HS6ST1: variants seen among roughly 807,000 people sequenced by gnomAD.
The protein encoded by HS6ST1 is heparan-sulfate 6-O-sulfotransferase 1.
HS6ST1 carries 3 observed loss-of-function variants against 25.2 expected under a neutral mutation model. The ratio of observed to expected loss-of-function variants is 0.12; its 90% confidence interval spans 0.05 to 0.31. The LOEUF (loss-of-function observed/expected upper bound fraction) is 0.31, where lower values mean the gene tolerates loss of function less well. Among genes scored for constraint, HS6ST1 ranks in the 10% least tolerant of loss-of-function variants. The pLI is 1.00. For missense variants in HS6ST1, 310 were observed against 609.6 expected (o/e 0.51, Z 5.18); for synonymous variants, 204 against 275.1 (o/e 0.74, Z 2.56).
At chr2:128,272,832 C>T (rs1429196980) in intron 1 of HS6ST1, among the ~76,000 whole-genome samples, 2 of 152,142 alleles carry the variant, frequency 1.3e-5, no homozygotes, top group Non-Finnish European at 2.9e-5. Flanking sequence ...CATCTAAGTC[C>T]GGGGCCCTCA....
chr2:128,317,369 T>C (rs1468247834), intron 1 of HS6ST1, among the ~76,000 whole-genome samples: 2 of 152,194 alleles, frequency 1.3e-5, no homozygotes, highest in African/African-American at 2.4e-5. Context: ...CGGGTGGCTT[T>C]TGTTCCTCTC....
chr2:128,286,415 G>A (rs574417577), intron 1 of HS6ST1, among the ~76,000 whole-genome samples: 1 of 152,198 alleles, frequency 6.6e-6, no homozygotes, highest in African/African-American at 2.4e-5. Context: ...CAGGTCAGGA[G>A]CTTGGAGGAC....
At chr2:128,276,244 CA>C (rs1490172466) in intron 1 of HS6ST1, among the ~76,000 whole-genome samples, 2 of 152,234 alleles carry the variant, frequency 1.3e-5, no homozygotes, top group Non-Finnish European at 2.9e-5. Context: ...TCTCCCGCCT[CA>C]GCCTCCCGAG....
At chr2:128,287,407 T>C (rs1389407214) in intron 1 of HS6ST1, among the ~76,000 whole-genome samples, 4 of 152,190 alleles carry the variant, frequency 2.6e-5, no homozygotes, top group Non-Finnish European at 5.9e-5. Context: ...GCAGGTCCCC[T>C]GACGGGCTGC....
intron 1 of HS6ST1, among the ~76,000 whole-genome samples, chr2:128,305,058 AG>A (rs2104933243): frequency 6.6e-6 from 1 of 152,330 alleles, no homozygotes; most frequent in East Asian, 1.9e-4. Flanking sequence ...GGGCCTCCTA[AG>A]CTCTCCATTC....
Position 128,267,471 on chromosome 2 carries a change from T to C in HS6ST1, c.*691A>G, listed in dbSNP as rs1256247111. 2 of 153,608 alleles carry C rather than the reference T, an allele frequency of 1.3e-5. No individual in the cohort carries two copies. Among genetic ancestry groups the C allele is most frequent in the Admixed American group, 1.3e-4 (2 of 15,450 alleles). The allele number at this position is 153,608 out of a possible 1,614,324, so 9.5% of individuals were successfully genotyped here. A position where few individuals can be genotyped will look rare whatever the true frequency, so the allele number is the denominator to read the frequency against. On this transcript the variant is annotated 3_prime_UTR_variant, in exon 2 of 2. Transcript: ENST00000259241. ...AAACCCCTCCTTGGTCTGAGGACTG[T>C]AGGGAGTGGGTGGGGCCTGAACATC...
chr2:128,277,882 G>T (rs1041002034), intron 1 of HS6ST1, among the ~76,000 whole-genome samples: 1 of 152,246 alleles, frequency 6.6e-6, no homozygotes, highest in African/African-American at 2.4e-5. Context: ...ATGCACTTCG[G>T]CATTTAATTA....
chr2:128,286,016 C>T (rs890661261), intron 1 of HS6ST1, among the ~76,000 whole-genome samples: 1 of 152,220 alleles, frequency 6.6e-6, no homozygotes, highest in Non-Finnish European at 1.5e-5. Flanking sequence ...GTCACCCTGG[C>T]CCCTCTGAGC....
rs890261986 is a variant in HS6ST1, at chr2:128,275,199, C to G, written c.528-6329G>C. 1.9e-4 allele frequency among the ~76,000 whole-genome samples: 29 copies of G among 152,148 alleles called. 1 individual carries two copies. The highest frequency in any genetic ancestry group is 5.9e-5 in the Non-Finnish European group (4 of 68,030). On this transcript the variant is annotated intron_variant, in intron 1 of 1. Transcript: ENST00000259241. ...ATAGAAAAGAAAATGAAGTACACTA[C>G]TTGCCTCAGCGGTAAATGATGGTTT...
At chr2:128,314,958 C>G (rs1694340696) in intron 1 of HS6ST1, among the ~76,000 whole-genome samples, 1 of 152,222 alleles carries the variant, frequency 6.6e-6, no homozygotes, top group Non-Finnish European at 1.5e-5. Context: ...GGTTCTGGCT[C>G]TGGAGCACCA....
chr2:128,271,988 A>G (rs887746776), intron 1 of HS6ST1, among the ~76,000 whole-genome samples: 2 of 152,220 alleles, frequency 1.3e-5, no homozygotes, highest in African/African-American at 4.8e-5. Context: ...CACCAACCCC[A>G]TACCCAGGTC....
chr2:128,312,852 G>A (rs994719329), intron 1 of HS6ST1, among the ~76,000 whole-genome samples: 4 of 152,192 alleles, frequency 2.6e-5, no homozygotes, highest in African/African-American at 9.7e-5. Context: ...CTGAGGTCCC[G>A]AGTTCGAGAC....
At chr2:128,317,304 C>G (rs1694385832) in intron 1 of HS6ST1, among the ~76,000 whole-genome samples, 1 of 152,358 alleles carries the variant, frequency 6.6e-6, no homozygotes, top group African/African-American at 2.4e-5. Context: ...TTCCCTGGAC[C>G]AGCTCAACTA....
chr2:128,294,800 G>C (rs1319496461), intron 1 of HS6ST1, among the ~76,000 whole-genome samples: 1 of 151,896 alleles, frequency 6.6e-6, no homozygotes, highest in Non-Finnish European at 1.5e-5. Context: ...AAGGTACAGG[G>C]GTGTCAGCCT....
Position 128,318,564 on chromosome 2 carries a change from G to A in HS6ST1, c.-1C>T, listed in dbSNP as rs1379524589. The A allele has an allele frequency of 1.4e-6, 2 of 1,460,506 alleles. No homozygotes were observed. Among genetic ancestry groups the A allele is most frequent in the Non-Finnish European group, 1.8e-6 (2 of 1,114,618 alleles). The allele number at this position is 1,460,506 out of a possible 1,614,324, so 90.5% of individuals were successfully genotyped here. A position where few individuals can be genotyped will look rare whatever the true frequency, so the allele number is the denominator to read the frequency against. On this transcript the variant is annotated 5_prime_UTR_variant, in exon 1 of 2. Coordinates refer to ENST00000259241, the MANE Select transcript of HS6ST1 (RefSeq NM_004807.3). The surrounding 1 kb of genome is among the most constrained non-coding windows in gnomAD (Gnocchi z 5.7). ...TGCCGCCGGCGCGCCGCCGCCGCAT[G>A]TGTCACCATCGCCGGGGCCCGGGCG... is the stretch of plus-strand genomic sequence containing the variant.
chr2:128,265,815 T>A lies in HS6ST1; in HGVS notation c.*2347A>T, dbSNP rs1693502146. The stretch of plus-strand genomic sequence containing the variant: ...CTCCACTCCCTGCCTGTTTCCGTCC[T>A]CACAGCCCTGGGAGGGCCCCGGTGG... On this transcript the variant is annotated 3_prime_UTR_variant, in exon 2 of 2. Transcript: ENST00000259241. 2.0e-5 allele frequency: 3 copies of A among 152,240 alleles called. No homozygotes were observed. The highest frequency in any genetic ancestry group is 4.4e-5 in the Non-Finnish European group (3 of 68,052). The allele number at this position is 152,240 out of a possible 1,614,324, so 9.4% of individuals were successfully genotyped here.
At chr2:128,275,507 A>G (rs1693680287) in intron 1 of HS6ST1, among the ~76,000 whole-genome samples, 1 of 152,260 alleles carries the variant, frequency 6.6e-6, no homozygotes, top group Admixed American at 6.5e-5. Flanking sequence ...GCTGGCTTTC[A>G]TCATAAGCCA....
intron 1 of HS6ST1, among the ~76,000 whole-genome samples, chr2:128,281,518 C>T (rs868207766): frequency 2.6e-5 from 4 of 152,210 alleles, no homozygotes; most frequent in African/African-American, 7.2e-5. Flanking sequence ...GACCGGAAAG[C>T]GGATGTGACC....
chr2:128,312,534 T>C (rs911407641), intron 1 of HS6ST1, among the ~76,000 whole-genome samples: 2 of 152,116 alleles, frequency 1.3e-5, no homozygotes, highest in Admixed American at 1.3e-4. Context: ...GGGATGGTGA[T>C]GGGCACCCAG....
Sources: gnomAD v4.1 joint callset for allele counts (sites outside exome capture counted in the v4.1 genomes callset) on GRCh38, gnomAD v4.1.1 for gene constraint, Gnocchi (gnomAD v3.1) non-coding constraint, MANE v1.5 for transcripts, NCBI Gene and HGNC (gene_info 2026-07-23, HGNC 2026-07-21) for gene names.